The following CAP2 variants were observed in gnomAD, a reference collection of about 807,000 sequenced individuals.
The protein encoded by CAP2 is cyclase associated actin cytoskeleton regulatory protein 2.
A neutral mutation model predicts 57.7 loss-of-function variants in CAP2; 24 were observed. That is an observed-to-expected ratio of 0.42 (90% CI 0.30 to 0.58). The LOEUF (loss-of-function observed/expected upper bound fraction) is 0.58, where lower values mean the gene tolerates loss of function less well. CAP2 is among the 20% of genes least tolerant of loss of function. The pLI is 0.22. For missense variants in CAP2, 501 were observed against 590.3 expected (o/e 0.85, Z 1.57); for synonymous variants, 194 against 207.2 (o/e 0.94, Z 0.55).
intron 7 of CAP2, among the ~76,000 whole-genome samples, chr6:17,523,131 G>A (rs1220856222): frequency 6.6e-6 from 1 of 152,224 alleles, no homozygotes; most frequent in Non-Finnish European, 1.5e-5. Flanking sequence ...GCCCTGATAC[G>A]TGTTGGGAGA....
chr6:17,489,304 C>T (rs769126972), intron 4 of CAP2, among the ~76,000 whole-genome samples: 24 of 152,084 alleles, frequency 1.6e-4, no homozygotes, highest in South Asian at 1.0e-3. Flanking sequence ...TGGTGGCACG[C>T]GCCTATAAGC....
At chr6:17,395,802 C>CACCTGTGA (rs1758651067) in intron 1 of CAP2, among the ~76,000 whole-genome samples, 1 of 152,000 alleles carries the variant, frequency 6.6e-6, no homozygotes, top group Non-Finnish European at 1.5e-5. Context: ...TTCAACTGAA[C>CACCTGTGA]ACCTGTGAAC....
intron 3 of CAP2, among the ~76,000 whole-genome samples, chr6:17,438,967 C>T (rs1436280806): frequency 4.0e-5 from 6 of 150,250 alleles, no homozygotes; most frequent in East Asian, 2.0e-4. Flanking sequence ...AAAAATTAGC[C>T]GGGCGTGGTA....
intron 4 of CAP2, among the ~76,000 whole-genome samples, chr6:17,469,420 GTGTGTGTGTGTGTC>G (rs1459571891): frequency 8.7e-4 from 133 of 152,128 alleles, no homozygotes; most frequent in African/African-American, 2.9e-3. Flanking sequence ...GTGTGTCTGT[GTGTGTGTGTGTGTC>G]TGTGTGTGTG....
chr6:17,495,215 G>A (rs1761635058), intron 4 of CAP2, among the ~76,000 whole-genome samples: 1 of 152,134 alleles, frequency 6.6e-6, no homozygotes, highest in Non-Finnish European at 1.5e-5. Context: ...AGAGGGCAGG[G>A]ACATCAGAGT....
intron 4 of CAP2, among the ~76,000 whole-genome samples, chr6:17,471,918 G>C (rs1183251077): frequency 6.6e-6 from 1 of 152,156 alleles, no homozygotes; most frequent in African/African-American, 2.4e-5. Context: ...CCAGTGGTCT[G>C]GATTGACAGT....
intron 3 of CAP2, among the ~76,000 whole-genome samples, chr6:17,455,762 C>T (rs1395687163): frequency 6.6e-6 from 1 of 152,158 alleles, no homozygotes; most frequent in Non-Finnish European, 1.5e-5. Context: ...GTCTTGATCT[C>T]CTGACCTTGT....
chr6:17,467,456 G>A (rs1015935367), intron 4 of CAP2, among the ~76,000 whole-genome samples: 2 of 152,122 alleles, frequency 1.3e-5, no homozygotes, highest in Non-Finnish European at 1.5e-5. Flanking sequence ...ACCACATCAC[G>A]GGGAATGGGG....
intron 5 of CAP2, 39 bp downstream of exon 5, chr6:17,507,351 A>G (rs1762014731): frequency 6.2e-7 from 1 of 1,605,472 alleles, no homozygotes; most frequent in African/African-American, 1.3e-5. Flanking sequence ...ACCTCATCAC[A>G]CGTTTGGAGT....
At chr6:17,529,651 A>AAAAAAAATAT (rs10656588) in intron 7 of CAP2, among the ~76,000 whole-genome samples, 88 of 134,520 alleles carry the variant, frequency 6.5e-4, no homozygotes, top group African/African-American at 2.2e-3. Flanking sequence ...AAAAAAAAAA[A>AAAAAAAATAT]ATATATATAT....
At chr6:17,507,877 A>G (rs1197344822) in intron 6 of CAP2, 151 bp downstream of exon 6, 2 of 511,694 alleles carry the variant, frequency 3.9e-6, no homozygotes, top group Non-Finnish European at 7.0e-6. Flanking sequence ...TTTGCAGATA[A>G]AGTCAAGTGG....
chr6:17,439,398 C>T (rs1327709069), intron 3 of CAP2, among the ~76,000 whole-genome samples: 1 of 151,306 alleles, frequency 6.6e-6, no homozygotes, highest in African/African-American at 2.5e-5. Flanking sequence ...TCTGTTCATT[C>T]CATTGTGCTG....
intron 1 of CAP2, among the ~76,000 whole-genome samples, chr6:17,408,465 C>G (rs1232138128): frequency 6.6e-6 from 1 of 152,044 alleles, no homozygotes; most frequent in Non-Finnish European, 1.5e-5. Flanking sequence ...CAAACACCTT[C>G]CACCTCCCAC....
At chr6:17,453,423 T>G (rs1283350595) in intron 3 of CAP2, among the ~76,000 whole-genome samples, 2 of 152,230 alleles carry the variant, frequency 1.3e-5, no homozygotes, top group Non-Finnish European at 2.9e-5. Context: ...GAAATCCATC[T>G]GCGTCTTGTT....
chr6:17,519,331 G>A (rs187348627), intron 7 of CAP2, among the ~76,000 whole-genome samples: 78 of 152,008 alleles, frequency 5.1e-4, no homozygotes, highest in African/African-American at 1.8e-3. Context: ...GTCTACGTGT[G>A]TGTGCAAGTG....
chr6:17,410,369 T>C (rs941209387), intron 1 of CAP2, among the ~76,000 whole-genome samples: 1 of 152,112 alleles, frequency 6.6e-6, no homozygotes, highest in Non-Finnish European at 1.5e-5. Context: ...GAGCCTGCAT[T>C]TAAGAAGGCT....
rs567290757 is a variant in CAP2, at chr6:17,531,034, C to A, written c.637-8235C>A. 93 of 893,968 alleles carry A rather than the reference C, an allele frequency of 1.0e-4. No individual in the cohort carries two copies. In the African/African-American group the frequency reaches 1.5e-3, roughly 14 times the overall value. 55.4% of individuals were successfully genotyped at this position (893,968 alleles called of 1,614,324 possible). A position where few individuals can be genotyped will look rare whatever the true frequency, so the allele number is the denominator to read the frequency against. Reference sequence around the variant, plus strand: ...AAGGGCCACAGGAAGTTATTTGCTTCTTTGAAGTGTTTTCCAATGGTATAG... The same window carrying A: ...AAGGGCCACAGGAAGTTATTTGCTTATTTGAAGTGTTTTCCAATGGTATAG... On this transcript the variant is annotated intron_variant, in intron 7 of 12. Coordinates refer to ENST00000229922, the MANE Select transcript of CAP2 (RefSeq NM_006366.3).
chr6:17,493,394 G>C (rs1217150213), intron 4 of CAP2: 2 of 368,420 alleles, frequency 5.4e-6, no homozygotes, highest in Non-Finnish European at 1.1e-5. Flanking sequence ...CAAGTTTTAG[G>C]ATATAATGAG....
intron 4 of CAP2, among the ~76,000 whole-genome samples, chr6:17,463,759 A>G (rs1208370140): frequency 2.6e-5 from 4 of 152,040 alleles, no homozygotes; most frequent in Non-Finnish European, 5.9e-5. Context: ...AGTTTTCATG[A>G]CTCTATAAGA....
Sources: gnomAD v4.1 joint callset for allele counts (sites outside exome capture counted in the v4.1 genomes callset) on GRCh38, gnomAD v4.1.1 for gene constraint, MANE v1.5 for transcripts, NCBI Gene and HGNC (gene_info 2026-07-23, HGNC 2026-07-21) for gene names.